CMSS1: variants seen among roughly 807,000 people sequenced by gnomAD.
CMSS1 encodes the protein protein CMSS1.
Under a neutral mutation model 43.5 loss-of-function variants are expected in CMSS1, and 33 were observed. The observed-to-expected ratio is 0.76, with a 90% confidence interval of 0.57 to 1.01. The LOEUF (loss-of-function observed/expected upper bound fraction) is 1.01, where lower values mean the gene tolerates loss of function less well. Ranked by LOEUF, CMSS1 falls within the 50% of genes least tolerant of loss-of-function variation. The probability of loss-of-function intolerance (pLI) is 0.00; values close to 1 mark genes in which losing one functional copy is unlikely to be tolerated. For synonymous variants in CMSS1, 115 were observed against 117.2 expected, an observed-to-expected ratio of 0.98 and a Z score of 0.12; for missense variants, 313 against 326.4, an observed-to-expected ratio of 0.96 and a Z score of 0.32.
At chr3:100,171,326 A>G (rs1376931606) in intron 6 of CMSS1, among the ~76,000 whole-genome samples, 1 of 152,056 alleles carries the variant, frequency 6.6e-6, no homozygotes, top group African/African-American at 2.4e-5. Flanking sequence ...GACAGCTGTG[A>G]TAGAAGGATA....
At chr3:100,096,661 A>G (rs1191585176) in intron 1 of CMSS1, among the ~76,000 whole-genome samples, 1 of 143,904 alleles carries the variant, frequency 6.9e-6, no homozygotes, top group African/African-American at 2.5e-5. Flanking sequence ...TAAGGAGTAC[A>G]AAAAAAAAAA....
At chr3:100,036,079 A>G (rs1467250414) in intron 1 of CMSS1, among the ~76,000 whole-genome samples, 2 of 152,220 alleles carry the variant, frequency 1.3e-5, no homozygotes, top group Non-Finnish European at 2.9e-5. Context: ...CCATCTCTAT[A>G]CATTGCATAA....
At chr3:100,024,268 AT>A (rs1374915230) in intron 1 of CMSS1, among the ~76,000 whole-genome samples, 1 of 151,888 alleles carries the variant, frequency 6.6e-6, no homozygotes, top group Non-Finnish European at 1.5e-5. Flanking sequence ...CTTTTCTTTG[AT>A]TATAGGTTTG....
chr3:100,064,840 G>A (rs1260683867), intron 1 of CMSS1, among the ~76,000 whole-genome samples: 4 of 145,574 alleles, frequency 2.7e-5, no homozygotes, highest in Non-Finnish European at 6.0e-5. Flanking sequence ...TTTCCACACA[G>A]TAAAAAGATT....
chr3:100,001,312 T>C (rs1337106954), intron 1 of CMSS1, among the ~76,000 whole-genome samples: 2 of 152,226 alleles, frequency 1.3e-5, no homozygotes, highest in African/African-American at 4.8e-5. Flanking sequence ...ACATATTATC[T>C]ATCGCTGTTT....
At chr3:99,913,612 G>C (rs532187838) in intron 1 of CMSS1, among the ~76,000 whole-genome samples, 2 of 152,114 alleles carry the variant, frequency 1.3e-5, no homozygotes, top group Non-Finnish European at 2.9e-5. Flanking sequence ...AATAGAAAAA[G>C]TATTGTATGA....
intron 1 of CMSS1, among the ~76,000 whole-genome samples, chr3:100,085,997 T>G (rs764225990): frequency 6.6e-6 from 1 of 152,238 alleles, no homozygotes; most frequent in East Asian, 1.9e-4. Flanking sequence ...GTTAATCAAA[T>G]GGCTGCTGTA....
chr3:100,129,626 A>C (rs1039529595), intron 1 of CMSS1, among the ~76,000 whole-genome samples: 3 of 152,116 alleles, frequency 2.0e-5, no homozygotes, highest in Admixed American at 6.5e-5. Context: ...TTTGTCTATT[A>C]CCTGTTTCTA....
chr3:100,053,018 T>A (rs2065400216), intron 1 of CMSS1, among the ~76,000 whole-genome samples: 1 of 152,216 alleles, frequency 6.6e-6, no homozygotes, highest in African/African-American at 2.4e-5. Flanking sequence ...CTGCTCTCCC[T>A]TTGGTTACCA....
At chr3:100,012,764 T>C (rs1205174428) in intron 1 of CMSS1, among the ~76,000 whole-genome samples, 1 of 145,472 alleles carries the variant, frequency 6.9e-6, no homozygotes, top group African/African-American at 2.5e-5. Context: ...GCATATTCTT[T>C]TTTTTTTTTT....
At chr3:99,889,947 G>C (rs1471394933) in intron 1 of CMSS1, among the ~76,000 whole-genome samples, 2 of 151,860 alleles carry the variant, frequency 1.3e-5, no homozygotes, top group African/African-American at 4.8e-5. Flanking sequence ...GCAATTATTG[G>C]TTTAGATATA....
At chr3:100,132,988 CTT>C (rs2066722478) in intron 1 of CMSS1, among the ~76,000 whole-genome samples, 1 of 151,962 alleles carries the variant, frequency 6.6e-6, no homozygotes, top group African/African-American at 2.4e-5. Context: ...GTGTTGATGA[CTT>C]ATAAATTGAC....
chr3:99,882,531 AG>A (rs1401712254), intron 1 of CMSS1, among the ~76,000 whole-genome samples: 4 of 152,220 alleles, frequency 2.6e-5, no homozygotes, highest in African/African-American at 9.6e-5. Flanking sequence ...ATCATATTTT[AG>A]GGTATAAGAG....
At chr3:99,828,362 A>T (rs574786623) in intron 1 of CMSS1, among the ~76,000 whole-genome samples, 2 of 149,954 alleles carry the variant, frequency 1.3e-5, no homozygotes, top group African/African-American at 4.9e-5. Context: ...GATTTATCAA[A>T]TACCTGCTCT....
intron 1 of CMSS1, among the ~76,000 whole-genome samples, chr3:100,039,457 T>C (rs2065164395): frequency 6.6e-6 from 1 of 152,196 alleles, no homozygotes; most frequent in African/African-American, 2.4e-5. Flanking sequence ...AATACCAACT[T>C]GGTTTAATAC....
chr3:99,869,741 C>T (rs546250044), intron 1 of CMSS1, among the ~76,000 whole-genome samples: 1 of 152,316 alleles, frequency 6.6e-6, no homozygotes, highest in East Asian at 1.9e-4. Flanking sequence ...ATGATCTCTG[C>T]TCAGAGATTT....
At chr3:100,166,261 ACT>A in intron 4 of CMSS1, 72 bp from the exon 5 acceptor site, 1 of 982,668 alleles carries the variant, frequency 1.0e-6, no homozygotes, top group Non-Finnish European at 1.6e-6. Flanking sequence ...ATCACTCATA[ACT>A]CACATATAAT....
chr3:99,911,865 G>C (rs1044789813), intron 1 of CMSS1, among the ~76,000 whole-genome samples: 4 of 151,894 alleles, frequency 2.6e-5, no homozygotes, highest in African/African-American at 9.7e-5. Context: ...ATAGTGTTAA[G>C]TTAAATGAAA....
chr3:99,927,974 C>G (rs1339209602), intron 1 of CMSS1, among the ~76,000 whole-genome samples: 1 of 152,106 alleles, frequency 6.6e-6, no homozygotes, highest in African/African-American at 2.4e-5. Flanking sequence ...TTAGATAAAT[C>G]ACCTCTAGTT....
Sources: gnomAD v4.1 joint callset for allele counts (sites outside exome capture counted in the v4.1 genomes callset) on GRCh38, gnomAD v4.1.1 for gene constraint, MANE v1.5 for transcripts, NCBI Gene and HGNC (gene_info 2026-07-23, HGNC 2026-07-21) for gene names.